The following LRRC4C variants were observed in gnomAD, a reference collection of about 807,000 sequenced individuals.
LRRC4C encodes leucine-rich repeat-containing protein 4C.
A neutral mutation model predicts 33.6 loss-of-function variants in LRRC4C; 5 were observed. The ratio of observed to expected loss-of-function variants is 0.15; its 90% confidence interval spans 0.08 to 0.31. The LOEUF (loss-of-function observed/expected upper bound fraction) is 0.31. LRRC4C is among the 10% of genes least tolerant of loss of function. The pLI is 1.00. For synonymous variants in LRRC4C, 329 were observed against 302.0 expected (o/e 1.09, Z -0.93); for missense variants, 560 against 796.7 (o/e 0.70, Z 3.58).
intron 1 of LRRC4C, among the ~76,000 whole-genome samples, chr11:41,028,124 C>G (rs1856497646): frequency 1.3e-5 from 2 of 151,566 alleles, no homozygotes; most frequent in African/African-American, 4.8e-5. Flanking sequence ...ATGTAATCCC[C>G]TCTAGAAATG....
intron 2 of LRRC4C, among the ~76,000 whole-genome samples, chr11:40,675,143 C>T (rs972081942): frequency 6.6e-6 from 1 of 151,818 alleles, no homozygotes; most frequent in African/African-American, 2.4e-5. Context: ...TTTTAAGACC[C>T]CTTACTTACA....
intron 3 of LRRC4C, among the ~76,000 whole-genome samples, chr11:40,638,108 C>A (rs1001765690): frequency 1.3e-5 from 2 of 152,226 alleles, no homozygotes; most frequent in Non-Finnish European, 2.9e-5. Context: ...CATGCAAGCA[C>A]TACCTGTTCC....
At chr11:41,389,639 C>CAAAAAAAAAAAAAAAAAAAAAA (rs56194204) in intron 1 of LRRC4C, among the ~76,000 whole-genome samples, 3 of 80,948 alleles carry the variant, frequency 3.7e-5, no homozygotes, top group Non-Finnish European at 2.2e-5. Context: ...CAGTGAGCAG[C>CAAAAAAAAAAAAAAAAAAAAAA]AAAAAAAAAA....
rs535201814 is a variant in LRRC4C, at chr11:41,246,561, G to T, written c.-496+212870C>A. Among the ~76,000 whole-genome samples the T allele has an allele frequency of 5.3e-5, 8 of 152,258 alleles. No homozygotes were observed. The South Asian group carries it at 1.4e-3, about 28-fold the overall frequency. On this transcript the variant is annotated intron_variant, in intron 1 of 6. Coordinates refer to ENST00000528697, the MANE Select transcript of LRRC4C (RefSeq NM_001258419.2). ...TTGGAAGCGGGCGGGGCTTCCACCTGTTCCCAGCTCCTGCAGCTCTGTGGA... is the reference window on the plus strand; with the variant it reads ...TTGGAAGCGGGCGGGGCTTCCACCTTTTCCCAGCTCCTGCAGCTCTGTGGA...
chr11:41,077,425 G>C (rs1257727150), intron 1 of LRRC4C, among the ~76,000 whole-genome samples: 1 of 152,154 alleles, frequency 6.6e-6, no homozygotes, highest in African/African-American at 2.4e-5. Context: ...CTCAATTCTT[G>C]CCTTCTGCAT....
intron 1 of LRRC4C, among the ~76,000 whole-genome samples, chr11:41,367,285 T>C (rs1952578262): frequency 6.6e-6 from 1 of 152,166 alleles, no homozygotes; most frequent in Admixed American, 6.5e-5. Flanking sequence ...GATATTGGGG[T>C]ATCCAAACCT....
At position 40,479,360 on chromosome 11, in the gene LRRC4C, G is replaced by T. The variant is rs568002304; in HGVS notation, c.-269-159639C>A. Among the ~76,000 whole-genome samples, 19 of 152,214 alleles carry T rather than the reference G, an allele frequency of 1.2e-4. 1 individual carries two copies. In the East Asian group the frequency reaches 3.7e-3, roughly 29 times the overall value. On this transcript the variant is annotated intron_variant, in intron 3 of 6. Coordinates refer to ENST00000528697, the MANE Select transcript of LRRC4C (RefSeq NM_001258419.2). ...TACTGGGTTCTCTTTTAGGAAAGTGGTCCATTTTGAGCTACCCAGACAAGG... is the reference window on the plus strand; with the variant it reads ...TACTGGGTTCTCTTTTAGGAAAGTGTTCCATTTTGAGCTACCCAGACAAGG...
chr11:41,306,309 C>T (rs752967780), intron 1 of LRRC4C, among the ~76,000 whole-genome samples: 1 of 152,210 alleles, frequency 6.6e-6, no homozygotes, highest in Non-Finnish European at 1.5e-5. Context: ...ATCTTTGTCT[C>T]ACCTTCAGTA....
chr11:40,947,535 C>A (rs890148622), intron 1 of LRRC4C, among the ~76,000 whole-genome samples: 2 of 152,074 alleles, frequency 1.3e-5, no homozygotes, highest in African/African-American at 4.8e-5. Context: ...AATAGGAATT[C>A]TTCCTAACCA....
At chr11:41,324,815 T>A (rs936273435) in intron 1 of LRRC4C, among the ~76,000 whole-genome samples, 1 of 152,214 alleles carries the variant, frequency 6.6e-6, no homozygotes, top group African/African-American at 2.4e-5. Flanking sequence ...TATGAATGCA[T>A]CTTTTCTTGA....
At chr11:40,853,788 G>A (rs1180527654) in intron 2 of LRRC4C, among the ~76,000 whole-genome samples, 1 of 152,168 alleles carries the variant, frequency 6.6e-6, no homozygotes, top group Non-Finnish European at 1.5e-5. Flanking sequence ...TTAGTGCACA[G>A]AACTGAGTCA....
chr11:40,366,977 AC>A (rs1948236304), intron 3 of LRRC4C, among the ~76,000 whole-genome samples: 1 of 152,088 alleles, frequency 6.6e-6, no homozygotes, highest in Non-Finnish European at 1.5e-5. Context: ...TAACTATACT[AC>A]ATCTGTTTCT....
intron 1 of LRRC4C, among the ~76,000 whole-genome samples, chr11:41,252,833 G>A (rs183192272): frequency 5.3e-5 from 8 of 152,158 alleles, no homozygotes; most frequent in Non-Finnish European, 1.2e-4. Context: ...TTGCACAGGG[G>A]AACTCCCTTT....
chr11:41,017,792 T>A (rs1855695354), intron 1 of LRRC4C, among the ~76,000 whole-genome samples: 1 of 149,948 alleles, frequency 6.7e-6, no homozygotes, highest in Admixed American at 6.7e-5. Flanking sequence ...ATTAATAATT[T>A]GGGTATATAT....
chr11:40,770,982 C>T (rs1565040449), intron 2 of LRRC4C, among the ~76,000 whole-genome samples: 1 of 152,172 alleles, frequency 6.6e-6, no homozygotes, highest in Non-Finnish European at 1.5e-5. Context: ...GTCAGTGGAT[C>T]TACCGTTCTA....
chr11:41,231,641 G>A (rs1335379309), intron 1 of LRRC4C, among the ~76,000 whole-genome samples: 3 of 151,108 alleles, frequency 2.0e-5, no homozygotes, highest in African/African-American at 7.3e-5. Context: ...AAGAGGGATA[G>A]CATTAGGAGA....
At chr11:41,131,745 A>G (rs112433772) in intron 1 of LRRC4C, among the ~76,000 whole-genome samples, 4 of 152,226 alleles carry the variant, frequency 2.6e-5, no homozygotes, top group African/African-American at 9.6e-5. Flanking sequence ...GAAAGAAACT[A>G]AAACTTACCA....
chr11:40,246,292 A>G (rs1194513223), intron 4 of LRRC4C, among the ~76,000 whole-genome samples: 1 of 152,164 alleles, frequency 6.6e-6, no homozygotes, highest in African/African-American at 2.4e-5. Flanking sequence ...CTAACTTTTT[A>G]TCAAGTGTTA....
chr11:41,334,226 G>A (rs1255484078), intron 1 of LRRC4C, among the ~76,000 whole-genome samples: 1 of 152,212 alleles, frequency 6.6e-6, no homozygotes, highest in Non-Finnish European at 1.5e-5. Flanking sequence ...AAAACTTGCA[G>A]TTGGCTGGCT....
Sources: gnomAD v4.1 joint callset for allele counts (sites outside exome capture counted in the v4.1 genomes callset) on GRCh38, gnomAD v4.1.1 for gene constraint, MANE v1.5 for transcripts, NCBI Gene and HGNC (gene_info 2026-07-23, HGNC 2026-07-21) for gene names.